LRFN2: variants seen among roughly 807,000 people sequenced by gnomAD.
The protein encoded by LRFN2 is leucine rich repeat and fibronectin type III domain containing 2, also known as leucine-rich repeat and fibronectin type-III domain-containing protein 2.
A neutral mutation model predicts 37.3 loss-of-function variants in LRFN2; 18 were observed. That is an observed-to-expected ratio of 0.48 (90% CI 0.33 to 0.72). The LOEUF is 0.72. Ranked by LOEUF, LRFN2 falls within the 30% of genes least tolerant of loss-of-function variation. LRFN2 has a pLI of 0.02. For synonymous variants in LRFN2, 556 were observed against 466.6 expected (o/e 1.19, Z -2.47); for missense variants, 1,006 against 1,060.7 (o/e 0.95, Z 0.72).
At chr6:40,573,175 C>A (rs146943996) in intron 1 of LRFN2, among the ~76,000 whole-genome samples, 1,671 of 152,336 alleles carry the variant, frequency 0.011, 14 homozygotes, top group Non-Finnish European at 0.016. Context: ...AATTTGGCCT[C>A]TCTGAGCCTC....
At chr6:40,565,683 T>G (rs1361786989) in intron 1 of LRFN2, among the ~76,000 whole-genome samples, 1 of 151,592 alleles carries the variant, frequency 6.6e-6, no homozygotes, top group Non-Finnish European at 1.5e-5. Context: ...GCTAGCCATA[T>G]GTAGAAAGCT....
At chr6:40,399,027 G>A (rs1762672205) in intron 2 of LRFN2, among the ~76,000 whole-genome samples, 1 of 151,878 alleles carries the variant, frequency 6.6e-6, no homozygotes, top group African/African-American at 2.4e-5. Flanking sequence ...GAGCCCTCAG[G>A]CTGCCAGTTG....
At chr6:40,477,960 C>G (rs1206044504) in intron 1 of LRFN2, among the ~76,000 whole-genome samples, 1 of 152,192 alleles carries the variant, frequency 6.6e-6, no homozygotes, top group Non-Finnish European at 1.5e-5. Context: ...CGCAGCAAAC[C>G]GTGAATATGG....
intron 1 of LRFN2, among the ~76,000 whole-genome samples, chr6:40,500,204 C>T (rs1561881424): frequency 6.6e-6 from 1 of 152,254 alleles, no homozygotes; most frequent in African/African-American, 2.4e-5. Flanking sequence ...GTGCTGACTA[C>T]TCTGCCTGCC....
At chr6:40,534,460 G>A (rs1441559509) in intron 1 of LRFN2, among the ~76,000 whole-genome samples, 1 of 151,860 alleles carries the variant, frequency 6.6e-6, no homozygotes, top group East Asian at 1.9e-4. Context: ...AGTTCAAATA[G>A]TAGCTTTGGC....
chr6:40,503,693 C>T (rs892452024), intron 1 of LRFN2, among the ~76,000 whole-genome samples: 4 of 152,106 alleles, frequency 2.6e-5, no homozygotes, highest in Non-Finnish European at 5.9e-5. Context: ...GAGCACTGGG[C>T]CTTGTGGAGC....
intron 2 of LRFN2, among the ~76,000 whole-genome samples, chr6:40,417,574 G>T (rs1356770960): frequency 1.3e-5 from 2 of 152,134 alleles, no homozygotes; most frequent in East Asian, 1.9e-4. Flanking sequence ...TGGGGTAGAG[G>T]GGGTGGGGAA....
chr6:40,573,869 G>C (rs577172640), intron 1 of LRFN2, among the ~76,000 whole-genome samples: 1 of 152,304 alleles, frequency 6.6e-6, no homozygotes, highest in East Asian at 1.9e-4. Context: ...GCTAAAGGAG[G>C]AGAATCACTT....
At chr6:40,462,283 G>T (rs1016556106) in intron 1 of LRFN2, among the ~76,000 whole-genome samples, 5 of 152,186 alleles carry the variant, frequency 3.3e-5, no homozygotes, top group African/African-American at 1.2e-4. Flanking sequence ...GAAAAGCCCT[G>T]GGATAGTGGC....
At chr6:40,400,904 A>T (rs1762724391) in intron 2 of LRFN2, among the ~76,000 whole-genome samples, 1 of 151,580 alleles carries the variant, frequency 6.6e-6, no homozygotes, top group African/African-American at 2.4e-5. Context: ...TGTGTGCCAG[A>T]GTGTAGGTGT....
chr6:40,526,674 C>A lies in LRFN2; in HGVS notation c.-19+60267G>T, dbSNP rs370278833. 7.2e-5 allele frequency among the ~76,000 whole-genome samples: 11 copies of A among 152,200 alleles called. No homozygotes were observed. In the South Asian group the frequency reaches 2.3e-3, roughly 32 times the overall value. ...CCCAGCACTCTGCAGACCTGTGTGG[C>A]CAGTGGGTGGCTTCCTTTTGGATGT... On this transcript the variant is annotated intron_variant, in intron 1 of 2. Coordinates refer to ENST00000338305, the MANE Select transcript of LRFN2 (RefSeq NM_020737.3).
intron 1 of LRFN2, among the ~76,000 whole-genome samples, chr6:40,566,958 G>A (rs7764160): frequency 6.6e-6 from 1 of 151,984 alleles, no homozygotes; most frequent in Non-Finnish European, 1.5e-5. Flanking sequence ...TCAAGAGCAA[G>A]CTTAAAGAGA....
intron 1 of LRFN2, among the ~76,000 whole-genome samples, chr6:40,529,095 AT>A (rs1474680406): frequency 6.6e-6 from 1 of 152,190 alleles, no homozygotes; most frequent in Non-Finnish European, 1.5e-5. Context: ...AAAATGAAAG[AT>A]GCTTAAGGTC....
intron 1 of LRFN2, among the ~76,000 whole-genome samples, chr6:40,512,062 A>T (rs1310286606): frequency 6.6e-6 from 1 of 152,180 alleles, no homozygotes; most frequent in African/African-American, 2.4e-5. Flanking sequence ...AGACTTTTGG[A>T]CGCTTAAAAT....
chr6:40,406,746 C>T (rs2113801396), intron 2 of LRFN2, among the ~76,000 whole-genome samples: 1 of 152,240 alleles, frequency 6.6e-6, no homozygotes, highest in East Asian at 1.9e-4. Flanking sequence ...CTGTTTCTTT[C>T]TTTTGGACAT....
rs952144107 is a variant in LRFN2, at chr6:40,510,533, C to T, written c.-19+76408G>A. ...AGTAAGAAAGTGCATATTAATCTCA[C>T]AAACATTTGTTGAGCTCCTACATGA... On this transcript the variant is annotated intron_variant, in intron 1 of 2. Coordinates refer to ENST00000338305, the MANE Select transcript of LRFN2 (RefSeq NM_020737.3). Among the ~76,000 whole-genome samples the T allele has an allele frequency of 2.6e-5, 4 of 152,334 alleles. No homozygotes were observed. In the East Asian group the frequency reaches 7.7e-4, roughly 29 times the overall value.
chr6:40,490,509 A>T (rs1427479466), intron 1 of LRFN2, among the ~76,000 whole-genome samples: 1 of 152,152 alleles, frequency 6.6e-6, no homozygotes, highest in Non-Finnish European at 1.5e-5. Flanking sequence ...CCAGGGGAAA[A>T]GATTTTCAAG....
intron 1 of LRFN2, among the ~76,000 whole-genome samples, chr6:40,564,482 A>G (rs1394250750): frequency 6.6e-6 from 1 of 152,096 alleles, no homozygotes; most frequent in African/African-American, 2.4e-5. Flanking sequence ...TCACATTCAC[A>G]GCTCCCCCAG....
At chr6:40,415,688 G>A (rs936559308) in intron 2 of LRFN2, among the ~76,000 whole-genome samples, 2 of 152,200 alleles carry the variant, frequency 1.3e-5, no homozygotes, top group East Asian at 1.9e-4. Context: ...GTTGTTTAAC[G>A]TTTGTCTGCC....
Sources: allele counts gnomAD v4.1 joint callset (sites outside exome capture counted in the v4.1 genomes callset), GRCh38; gene constraint gnomAD v4.1.1; transcripts MANE v1.5; gene names NCBI Gene and HGNC (gene_info 2026-07-23, HGNC 2026-07-21).